Variants in DYNC1I1 observed in about 807,000 individuals in gnomAD.
DYNC1I1 encodes dynein cytoplasmic 1 intermediate chain 1, also known as cytoplasmic dynein 1 intermediate chain 1.
In DYNC1I1, 43 loss-of-function variants were observed where a neutral mutation model predicts 86.6. The ratio of observed to expected loss-of-function variants is 0.50; its 90% CI spans 0.39 to 0.64. The LOEUF is 0.64. Among genes scored for constraint, DYNC1I1 ranks in the 30% least tolerant of loss-of-function variants. The pLI, the probability that DYNC1I1 is intolerant of heterozygous loss-of-function variation, is 0.00. For missense variants in DYNC1I1, 604 were observed against 788.8 expected (o/e 0.77, Z 2.81); for synonymous variants, 262 against 283.7 (o/e 0.92, Z 0.77).
rs139293940 is a variant in DYNC1I1, at chr7:95,991,179, T to C, written c.843+4024T>C. 3.3e-3 allele frequency among the ~76,000 whole-genome samples: 506 copies of C among 152,364 alleles called. 10 individuals are homozygous for C. Among genetic ancestry groups the C allele is most frequent in the Admixed American group, 0.026 (400 of 15,304 alleles). ...CATTAGTTGCAAAGTGTGACTTCTA[T>C]TGTCCCCCAGAATAAAATCTAAAAT... On this transcript the variant is annotated intron_variant, in intron 9 of 16. Transcript: ENST00000447467.
At chr7:95,946,187 G>A (rs1421093277) in intron 6 of DYNC1I1, among the ~76,000 whole-genome samples, 2 of 152,038 alleles carry the variant, frequency 1.3e-5, no homozygotes, top group African/African-American at 2.4e-5. Flanking sequence ...AGGATAAATA[G>A]CTAATGCATG....
intron 14 of DYNC1I1, among the ~76,000 whole-genome samples, chr7:96,061,072 A>G (rs900085706): frequency 1.3e-5 from 2 of 152,320 alleles, no homozygotes; most frequent in African/African-American, 2.4e-5. Flanking sequence ...AGGAGAGAGA[A>G]TAGTACATTC....
At chr7:95,994,341 T>C (rs992474214) in intron 9 of DYNC1I1, among the ~76,000 whole-genome samples, 2 of 152,106 alleles carry the variant, frequency 1.3e-5, no homozygotes, top group Non-Finnish European at 2.9e-5. Flanking sequence ...AAAAAAATTA[T>C]AATGCATTTG....
chr7:96,033,409 T>C (rs959253482), intron 12 of DYNC1I1, among the ~76,000 whole-genome samples: 1 of 152,150 alleles, frequency 6.6e-6, no homozygotes, highest in Non-Finnish European at 1.5e-5. Context: ...GGGAGACAAC[T>C]AAATGCAACT....
At chr7:95,940,848 A>G (rs949119156) in intron 6 of DYNC1I1, among the ~76,000 whole-genome samples, 1 of 152,182 alleles carries the variant, frequency 6.6e-6, no homozygotes, top group Non-Finnish European at 1.5e-5. Flanking sequence ...GTGAGGAGCT[A>G]CGTTCCTTTG....
At chr7:96,100,160 C>T (rs1398529196), downstream of DYNC1I1, among the ~76,000 whole-genome samples, 1 of 152,170 alleles carries the variant, frequency 6.6e-6, no homozygotes. Context: ...TCTTGCCAGC[C>T]AAGACTAAGT....
intron 1 of DYNC1I1, among the ~76,000 whole-genome samples, chr7:95,796,292 G>GTCTC (rs574506893): frequency 6.6e-6 from 1 of 151,408 alleles, no homozygotes; most frequent in Non-Finnish European, 1.5e-5. Context: ...GTTCTATGGG[G>GTCTC]TCTCTCTCTC....
chr7:95,930,211 G>T (rs950438125), intron 6 of DYNC1I1, among the ~76,000 whole-genome samples: 1 of 152,164 alleles, frequency 6.6e-6, no homozygotes, highest in Non-Finnish European at 1.5e-5. Context: ...GGGCACAGTG[G>T]TGTTCTTAGA....
At position 95,967,572 on chromosome 7, in the gene DYNC1I1, T is replaced by C. The variant is rs138903130; in HGVS notation, c.491-9940T>C. ...CAGTAAGGACCTCCCTTGCTCTCTG[T>C]GTAAAATTGTGACACCTACTACTGT... On this transcript the variant is annotated intron_variant, in intron 6 of 16. Coordinates refer to ENST00000447467, the MANE Select transcript of DYNC1I1 (RefSeq NM_001135556.2). Among the ~76,000 whole-genome samples, 25 of 152,298 alleles carry C rather than the reference T, an allele frequency of 1.6e-4. No homozygotes were observed. In the East Asian group the frequency reaches 4.6e-3, roughly 28 times the overall value.
intron 5 of DYNC1I1, among the ~76,000 whole-genome samples, chr7:95,838,019 A>G (rs1410172564): frequency 3.3e-5 from 5 of 152,210 alleles, no homozygotes; most frequent in Non-Finnish European, 5.9e-5. Flanking sequence ...CTTATTGTGC[A>G]GAAGCTTTTT....
chr7:95,984,777 C>T (rs1793542462), intron 7 of DYNC1I1, 38 bp from the exon 8 acceptor site: 2 of 1,540,854 alleles, frequency 1.3e-6, no homozygotes, highest in Non-Finnish European at 1.7e-6. Flanking sequence ...CTTTTTCTTC[C>T]CTAACAATCT....
At chr7:95,976,024 T>C (rs185384895) in intron 6 of DYNC1I1, among the ~76,000 whole-genome samples, 144 of 152,336 alleles carry the variant, frequency 9.5e-4, no homozygotes, top group African/African-American at 3.3e-3. Flanking sequence ...GACATAGATA[T>C]GCTATTTATA....
chr7:96,010,865 G>T (rs1159312475), intron 10 of DYNC1I1, among the ~76,000 whole-genome samples: 1 of 152,136 alleles, frequency 6.6e-6, no homozygotes, highest in East Asian at 1.9e-4. Flanking sequence ...CAGATGCTTG[G>T]CATCATGTAA....
intron 14 of DYNC1I1, among the ~76,000 whole-genome samples, chr7:96,055,103 T>C (rs1489758190): frequency 6.6e-6 from 1 of 152,178 alleles, no homozygotes; most frequent in African/African-American, 2.4e-5. Flanking sequence ...TTTTAGGTCT[T>C]ACGTTTAAAT....
At chr7:95,799,250 C>T (rs890513701) in intron 1 of DYNC1I1, among the ~76,000 whole-genome samples, 1 of 152,028 alleles carries the variant, frequency 6.6e-6, no homozygotes, top group Non-Finnish European at 1.5e-5. Context: ...CCAGTAGCAC[C>T]CACCTGTAGT....
In DYNC1I1 at chr7:95,983,837, A is replaced by G. The variant is rs547662964; in HGVS notation, c.581-978A>G. Among the ~76,000 whole-genome samples the G allele has an allele frequency of 3.3e-4, 50 of 152,236 alleles. 2 individuals carry two copies. In the South Asian group the frequency reaches 0.01, roughly 32 times the overall value. ...CTCCTCCTGTAAGTTTAACTTCAGG[A>G]GCTTCTGTACTACTTACTGAAAGAG... is the stretch of plus-strand genomic sequence containing the variant. On this transcript the variant is annotated intron_variant, in intron 7 of 16. Transcript: ENST00000447467.
In DYNC1I1 at chr7:95,875,859, C is replaced by G. The variant is rs528253003; in HGVS notation, c.490+5861C>G. Among the ~76,000 whole-genome samples the G allele has an allele frequency of 2.0e-5, 3 of 152,292 alleles. No homozygotes were observed. The South Asian group carries it at 6.2e-4, about 32-fold the overall frequency. Reference sequence around the variant, plus strand: ...CTCTCTTTTGATGATTTAGTCTCCTCTCAGCTGTCATGGTCTCCAGACCTT... The same window carrying G: ...CTCTCTTTTGATGATTTAGTCTCCTGTCAGCTGTCATGGTCTCCAGACCTT... On this transcript the variant is annotated intron_variant, in intron 6 of 16. Transcript: ENST00000447467.
At chr7:95,899,448 G>C (rs544270331) in intron 6 of DYNC1I1, among the ~76,000 whole-genome samples, 1 of 152,286 alleles carries the variant, frequency 6.6e-6, no homozygotes, top group East Asian at 1.9e-4. Flanking sequence ...AGAGGTCAGC[G>C]TTTCCCCATA....
At chr7:96,071,923 G>A (rs1484045819) in intron 14 of DYNC1I1, among the ~76,000 whole-genome samples, 3 of 152,142 alleles carry the variant, frequency 2.0e-5, no homozygotes, top group Admixed American at 6.5e-5. Flanking sequence ...ATGTTTTATA[G>A]AAGGACCATA....
Sources: allele counts gnomAD v4.1 joint callset (sites outside exome capture counted in the v4.1 genomes callset), GRCh38; gene constraint gnomAD v4.1.1; transcripts MANE v1.5; gene names NCBI Gene and HGNC (gene_info 2026-07-23, HGNC 2026-07-21).